The following AGBL1 variants were observed in gnomAD, a reference collection of about 807,000 sequenced individuals.
AGBL1 encodes AGBL carboxypeptidase 1, also known as cytosolic carboxypeptidase 4.
A neutral mutation model predicts 118.9 loss-of-function variants in AGBL1; 130 were observed. The ratio of observed to expected loss-of-function variants is 1.09; its 90% CI spans 0.95 to 1.26. AGBL1 has a LOEUF of 1.26. Among genes scored for constraint, AGBL1 ranks in the 50% most tolerant of loss-of-function variants. The pLI, the probability that AGBL1 is intolerant of heterozygous loss-of-function variation, is 0.00. For missense variants in AGBL1, 1,584 were observed against 1,298.1 expected (o/e 1.22, Z -3.38); for synonymous variants, 555 against 478.9 (o/e 1.16, Z -2.08).
chr15:86,685,282 C>T (rs907218808), intron 22 of AGBL1, among the ~76,000 whole-genome samples: 2 of 152,114 alleles, frequency 1.3e-5, no homozygotes, highest in Non-Finnish European at 2.9e-5. Context: ...ATTCAGACCT[C>T]AAGTATGTTC....
At chr15:86,157,483 T>C (rs1335882854) in intron 4 of AGBL1, among the ~76,000 whole-genome samples, 1 of 152,100 alleles carries the variant, frequency 6.6e-6, no homozygotes, top group Non-Finnish European at 1.5e-5. Context: ...TTTAGAAAAA[T>C]TCCTTCAGCT....
intron 17 of AGBL1, among the ~76,000 whole-genome samples, chr15:86,358,341 A>C (rs2080753858): frequency 6.6e-6 from 1 of 152,028 alleles, no homozygotes; most frequent in Admixed American, 6.6e-5. Flanking sequence ...GTTCATCCAT[A>C]CTGTCATGAA....
chr15:86,996,794 C>T (rs915287894), intron 24 of AGBL1, among the ~76,000 whole-genome samples: 3 of 152,078 alleles, frequency 2.0e-5, no homozygotes, highest in East Asian at 1.9e-4. Context: ...TCAATAGCAA[C>T]GCTATTGCTC....
chr15:87,002,403 A>T (rs1487608122), intron 24 of AGBL1, among the ~76,000 whole-genome samples: 2 of 151,886 alleles, frequency 1.3e-5, no homozygotes, highest in African/African-American at 4.8e-5. Context: ...GTTTGAAGTC[A>T]GGTAGTGTGA....
intron 17 of AGBL1, among the ~76,000 whole-genome samples, chr15:86,387,312 G>A (rs1199282206): frequency 6.6e-6 from 1 of 152,288 alleles, no homozygotes; most frequent in Non-Finnish European, 1.5e-5. Flanking sequence ...TTTGGTTCAG[G>A]AGTGACAGGA....
At chr15:86,601,581 G>C (rs1020062566) in intron 21 of AGBL1, among the ~76,000 whole-genome samples, 1 of 152,100 alleles carries the variant, frequency 6.6e-6, no homozygotes, top group African/African-American at 2.4e-5. Context: ...TACGAGTAAG[G>C]TTCTTTCTGT....
chr15:86,593,768 A>T (rs1016010554), intron 21 of AGBL1, among the ~76,000 whole-genome samples: 1 of 152,158 alleles, frequency 6.6e-6, no homozygotes, highest in African/African-American at 2.4e-5. Flanking sequence ...TTAATCCTTC[A>T]TCTGTAGCTC....
chr15:86,862,838 A>G (rs565686782), intron 22 of AGBL1, among the ~76,000 whole-genome samples: 1 of 152,264 alleles, frequency 6.6e-6, no homozygotes, highest in African/African-American at 2.4e-5. Flanking sequence ...GAGGACATCT[A>G]TGAAATTATC....
At chr15:86,717,440 G>A (rs992354289) in intron 22 of AGBL1, among the ~76,000 whole-genome samples, 1 of 152,076 alleles carries the variant, frequency 6.6e-6, no homozygotes, top group Non-Finnish European at 1.5e-5. Flanking sequence ...CAACAAGGAA[G>A]GACTCCACCA....
intron 16 of AGBL1, among the ~76,000 whole-genome samples, chr15:86,283,339 G>A (rs1436557138): frequency 1.3e-5 from 2 of 152,116 alleles, no homozygotes; most frequent in Non-Finnish European, 2.9e-5. Flanking sequence ...GAAATGACAA[G>A]AGACAACAAA....
chr15:86,992,250 A>G (rs893247494), intron 24 of AGBL1, among the ~76,000 whole-genome samples: 5 of 152,122 alleles, frequency 3.3e-5, no homozygotes, highest in African/African-American at 1.2e-4. Context: ...GGAGGACACC[A>G]AGCCATTCAT....
At chr15:86,572,544 G>C (rs1017533598) in intron 21 of AGBL1, among the ~76,000 whole-genome samples, 1 of 152,206 alleles carries the variant, frequency 6.6e-6, no homozygotes, top group African/African-American at 2.4e-5. Context: ...TCCGCCTCCT[G>C]CCTGCACCGT....
chr15:86,118,038 G>GCTAT (rs1429633094), intron 1 of AGBL1, among the ~76,000 whole-genome samples: 1 of 152,194 alleles, frequency 6.6e-6, no homozygotes, highest in Non-Finnish European at 1.5e-5. Context: ...ACATTAAACT[G>GCTAT]CTATCTCTGA....
intron 22 of AGBL1, among the ~76,000 whole-genome samples, chr15:86,797,886 A>G (rs78253817): frequency 6.6e-6 from 1 of 152,196 alleles, no homozygotes; most frequent in East Asian, 1.9e-4. Flanking sequence ...TTTCTTGGAT[A>G]TGACCTTTTT....
At chr15:86,504,962 A>T (rs547209553) in intron 18 of AGBL1, among the ~76,000 whole-genome samples, 65 of 151,858 alleles carry the variant, frequency 4.3e-4, no homozygotes, top group African/African-American at 1.5e-3. Context: ...ATAGCAATAA[A>T]TTCTCTTATT....
chr15:86,120,137 A>T (rs1001246625), intron 1 of AGBL1, among the ~76,000 whole-genome samples: 2 of 152,054 alleles, frequency 1.3e-5, no homozygotes, highest in Non-Finnish European at 2.9e-5. Context: ...TTAAAATCTA[A>T]ACTCCCCATC....
chr15:86,482,805 A>G (rs1019974103), intron 18 of AGBL1, among the ~76,000 whole-genome samples: 5 of 152,058 alleles, frequency 3.3e-5, no homozygotes, highest in Non-Finnish European at 5.9e-5. Context: ...ATTTTGCTTT[A>G]CATGATCTTA....
intron 18 of AGBL1, among the ~76,000 whole-genome samples, chr15:86,459,687 C>A (rs2082306035): frequency 6.6e-6 from 1 of 152,116 alleles, no homozygotes; most frequent in Admixed American, 6.6e-5. Context: ...CCTACCACAT[C>A]TCAACAACAG....
At chr15:86,794,968 G>A (rs972746859) in intron 22 of AGBL1, among the ~76,000 whole-genome samples, 1 of 152,158 alleles carries the variant, frequency 6.6e-6, no homozygotes. Flanking sequence ...GGGGGGACCA[G>A]CACCTGTCAA....
Sources: gnomAD v4.1 joint callset for allele counts (sites outside exome capture counted in the v4.1 genomes callset) on GRCh38, gnomAD v4.1.1 for gene constraint, MANE v1.5 for transcripts, NCBI Gene and HGNC (gene_info 2026-07-23, HGNC 2026-07-21) for gene names.